TMEM108: variants seen among roughly 807,000 people sequenced by gnomAD.
TMEM108 encodes the protein transmembrane protein 108, also known as cancer/testis antigen 124.
TMEM108 carries 12 observed loss-of-function variants against 35.1 expected under a neutral mutation model. The ratio of observed to expected loss-of-function variants is 0.34; its 90% CI spans 0.22 to 0.55. TMEM108 has a LOEUF of 0.55. Among genes scored for constraint, TMEM108 ranks in the 20% least tolerant of loss-of-function variants. The probability of loss-of-function intolerance (pLI) is 0.89; values close to 1 mark genes in which losing one functional copy is unlikely to be tolerated. For synonymous variants in TMEM108, 287 were observed against 308.6 expected, an observed-to-expected ratio of 0.93 and a Z score of 0.73; for missense variants, 680 against 753.3, an observed-to-expected ratio of 0.90 and a Z score of 1.14.
At chr3:133,310,530 C>CCTT (rs2071112087) in intron 3 of TMEM108, among the ~76,000 whole-genome samples, 1 of 22,212 alleles carries the variant, frequency 4.5e-5, no homozygotes, top group Non-Finnish European at 8.2e-5. Context: ...GCAACCCCTG[C>CCTT]TTTTTTTTTT....
intron 3 of TMEM108, among the ~76,000 whole-genome samples, chr3:133,360,776 G>A (rs1479699807): frequency 6.6e-6 from 1 of 152,182 alleles, no homozygotes; most frequent in Non-Finnish European, 1.5e-5. Flanking sequence ...AATGTAAGCA[G>A]CACATCAGAC....
At chr3:133,150,349 T>G (rs1196440781) in intron 2 of TMEM108, among the ~76,000 whole-genome samples, 1 of 150,540 alleles carries the variant, frequency 6.6e-6, no homozygotes, top group Non-Finnish European at 1.5e-5. Context: ...TTGGTTTTTT[T>G]TTTTTTTTTG....
chr3:133,276,108 T>A (rs1221891052), intron 3 of TMEM108, among the ~76,000 whole-genome samples: 3 of 152,186 alleles, frequency 2.0e-5, no homozygotes, highest in Non-Finnish European at 4.4e-5. Flanking sequence ...AGATTAAATA[T>A]AGGATGCCCA....
chr3:133,163,738 G>A (rs961932284), intron 2 of TMEM108, among the ~76,000 whole-genome samples: 6 of 152,190 alleles, frequency 3.9e-5, no homozygotes, highest in Admixed American at 6.5e-5. Flanking sequence ...TGAGAGGTGG[G>A]AGAGTTGATG....
intron 3 of TMEM108, chr3:133,303,431 A>G (rs1027652986): frequency 6.6e-6 from 1 of 152,170 alleles, no homozygotes; most frequent in African/African-American, 2.4e-5. Flanking sequence ...TCCATAAACA[A>G]TTCTTTTCTG....
chr3:133,053,304 T>A (rs1943428557), intron 2 of TMEM108, among the ~76,000 whole-genome samples: 1 of 152,186 alleles, frequency 6.6e-6, no homozygotes, highest in African/African-American at 2.4e-5. Flanking sequence ...AGTGATCTAC[T>A]GAGGGAAAAA....
At chr3:133,265,678 G>A (rs371386969) in intron 3 of TMEM108, among the ~76,000 whole-genome samples, 4 of 152,288 alleles carry the variant, frequency 2.6e-5, no homozygotes, top group South Asian at 2.1e-4. Context: ...TTTGCGGAAA[G>A]CCTGAATGAG....
chr3:133,056,130 TCC>T (rs750412266), intron 2 of TMEM108, among the ~76,000 whole-genome samples: 18,845 of 151,940 alleles, frequency 0.12, 1,317 homozygotes, highest in African/African-American at 0.2. Context: ...TTATTTTATT[TCC>T]AGAGTTCTAT....
chr3:133,161,383 C>G (rs1409466934), intron 2 of TMEM108, among the ~76,000 whole-genome samples: 1 of 152,152 alleles, frequency 6.6e-6, no homozygotes, highest in Admixed American at 6.5e-5. Context: ...GTATATTTGT[C>G]TATTGTCTCT....
At chr3:133,044,020 AC>A (rs1239193489) in intron 1 of TMEM108, among the ~76,000 whole-genome samples, 1 of 152,090 alleles carries the variant, frequency 6.6e-6, no homozygotes, top group Admixed American at 6.5e-5. Flanking sequence ...GTCCTGTGAC[AC>A]CTTGCCTACT....
At chr3:133,290,763 C>T (rs370003237) in intron 3 of TMEM108, among the ~76,000 whole-genome samples, 2 of 152,078 alleles carry the variant, frequency 1.3e-5, no homozygotes, top group African/African-American at 4.8e-5. Flanking sequence ...AAGAAAATGG[C>T]GTGTAACTTT....
At chr3:133,096,271 A>C (rs1944013763) in intron 2 of TMEM108, among the ~76,000 whole-genome samples, 1 of 152,104 alleles carries the variant, frequency 6.6e-6, no homozygotes, top group African/African-American at 2.4e-5. Context: ...TGATCCTCCC[A>C]CTTCAGCCTC....
chr3:133,087,215 A>G (rs1943895284), intron 2 of TMEM108, among the ~76,000 whole-genome samples: 1 of 151,748 alleles, frequency 6.6e-6, no homozygotes, highest in African/African-American at 2.4e-5. Flanking sequence ...CCTGCTTCCC[A>G]CTCTCTGGGT....
intron 3 of TMEM108, among the ~76,000 whole-genome samples, chr3:133,236,002 A>G (rs777770617): frequency 6.6e-6 from 1 of 152,160 alleles, no homozygotes; most frequent in Non-Finnish European, 1.5e-5. Context: ...GGTACTGTGT[A>G]CTGGAAAATT....
intron 5 of TMEM108, among the ~76,000 whole-genome samples, chr3:133,391,783 T>C (rs1309734606): frequency 1.3e-5 from 2 of 152,158 alleles, no homozygotes; most frequent in African/African-American, 2.4e-5. Flanking sequence ...TAAATGTCAC[T>C]TCCTCAGCGA....
chr3:133,147,873 A>G (rs1433983568), intron 2 of TMEM108, among the ~76,000 whole-genome samples: 1 of 152,118 alleles, frequency 6.6e-6, no homozygotes, highest in Non-Finnish European at 1.5e-5. Context: ...TATCAGTATG[A>G]ACTCCTGTTT....
At chr3:133,203,186 TTTTGGG>T (rs1576379821) in intron 2 of TMEM108, among the ~76,000 whole-genome samples, 1 of 152,218 alleles carries the variant, frequency 6.6e-6, no homozygotes, top group East Asian at 1.9e-4. Flanking sequence ...CTTAAGGAGA[TTTTGGG>T]CTGAGACGAT....
At chr3:133,046,854 G>A (rs1381305710) in intron 2 of TMEM108, among the ~76,000 whole-genome samples, 1 of 150,118 alleles carries the variant, frequency 6.7e-6, no homozygotes, top group African/African-American at 2.4e-5. Flanking sequence ...GGGATAGGAG[G>A]TTAAAGAAAC....
At chr3:133,102,960 A>G (rs988135829) in intron 2 of TMEM108, among the ~76,000 whole-genome samples, 1 of 152,202 alleles carries the variant, frequency 6.6e-6, no homozygotes, top group Non-Finnish European at 1.5e-5. Flanking sequence ...AAGGTTGTGG[A>G]GAAAAAGGAA....
Sources: allele counts gnomAD v4.1 joint callset (sites outside exome capture counted in the v4.1 genomes callset), GRCh38; gene constraint gnomAD v4.1.1; transcripts MANE v1.5; gene names NCBI Gene and HGNC (gene_info 2026-07-23, HGNC 2026-07-21).